FHIT: variants seen among roughly 807,000 people sequenced by gnomAD.
FHIT encodes bis(5'-adenosyl)-triphosphatase.
Under a neutral mutation model 17.9 loss-of-function variants are expected in FHIT, and 19 were observed. The observed-to-expected ratio is 1.06, with a 90% CI of 0.74 to 1.56. The LOEUF (loss-of-function observed/expected upper bound fraction) is 1.56. Ranked by LOEUF, FHIT falls within the 40% of genes most tolerant of loss-of-function variation. The pLI is 0.00. For synonymous variants in FHIT, 81 were observed against 69.7 expected, an observed-to-expected ratio of 1.16 and a Z score of -0.81; for missense variants, 248 against 189.2, an observed-to-expected ratio of 1.31 and a Z score of -1.82.
At chr3:59,945,495 T>C (rs1311105569) in intron 7 of FHIT, among the ~76,000 whole-genome samples, 1 of 152,168 alleles carries the variant, frequency 6.6e-6, no homozygotes, top group African/African-American at 2.4e-5. Flanking sequence ...TGATAGTTTC[T>C]TTTGCTATGC....
intron 5 of FHIT, among the ~76,000 whole-genome samples, chr3:60,252,322 T>C (rs1035165515): frequency 1.3e-5 from 2 of 151,964 alleles, no homozygotes; most frequent in Non-Finnish European, 2.9e-5. Flanking sequence ...AGCGGGAAAA[T>C]TGCTTGAGCC....
chr3:59,988,725 G>A (rs1365785418), intron 7 of FHIT, among the ~76,000 whole-genome samples: 1 of 152,078 alleles, frequency 6.6e-6, no homozygotes, highest in East Asian at 1.9e-4. Flanking sequence ...AACACCCGAA[G>A]GATCAAGGAC....
intron 8 of FHIT, among the ~76,000 whole-genome samples, chr3:59,808,414 C>T (rs147288599): frequency 6.6e-6 from 1 of 152,140 alleles, no homozygotes; most frequent in Non-Finnish European, 1.5e-5. Flanking sequence ...CCCTCTCTGA[C>T]AAGCCCCTGG....
chr3:60,332,379 CT>C (rs1310842772), intron 5 of FHIT, among the ~76,000 whole-genome samples: 1 of 152,186 alleles, frequency 6.6e-6, no homozygotes, highest in Non-Finnish European at 1.5e-5. Context: ...AGAGTATCTG[CT>C]CAGACACTAG....
At chr3:60,285,874 T>G (rs1202335403) in intron 5 of FHIT, among the ~76,000 whole-genome samples, 1 of 152,218 alleles carries the variant, frequency 6.6e-6, no homozygotes, top group Non-Finnish European at 1.5e-5. Flanking sequence ...CTTAAATATT[T>G]GTCTTTTCTT....
intron 2 of FHIT, among the ~76,000 whole-genome samples, chr3:61,156,935 T>C (rs1435335877): frequency 6.6e-6 from 1 of 152,228 alleles, no homozygotes; most frequent in Non-Finnish European, 1.5e-5. Flanking sequence ...AGATGATTCT[T>C]ACATGCCTAC....
chr3:60,123,995 T>TATA (rs1705393544), intron 5 of FHIT, among the ~76,000 whole-genome samples: 1 of 36,628 alleles, frequency 2.7e-5, no homozygotes. Flanking sequence ...TATATATATA[T>TATA]ATATATATAT....
chr3:60,591,479 G>C (rs2038082326), intron 4 of FHIT, among the ~76,000 whole-genome samples: 1 of 151,958 alleles, frequency 6.6e-6, no homozygotes, highest in African/African-American at 2.4e-5. Context: ...AGTCCCCAAA[G>C]AATATCAACA....
At chr3:60,148,625 G>T (rs2107322439) in intron 5 of FHIT, among the ~76,000 whole-genome samples, 1 of 152,220 alleles carries the variant, frequency 6.6e-6, no homozygotes, top group Admixed American at 6.5e-5. Flanking sequence ...CATCTGAATT[G>T]ATATAGGTTA....
chr3:61,086,196 T>C (rs2035302043), intron 2 of FHIT, among the ~76,000 whole-genome samples: 1 of 152,160 alleles, frequency 6.6e-6, no homozygotes, highest in Non-Finnish European at 1.5e-5. Flanking sequence ...GGCAAGGCTC[T>C]CAATGTTTCA....
intron 5 of FHIT, among the ~76,000 whole-genome samples, chr3:60,222,825 C>T (rs1042794575): frequency 1.3e-5 from 2 of 152,188 alleles, no homozygotes; most frequent in East Asian, 1.9e-4. Flanking sequence ...TGCTTGAACT[C>T]GGGAGGCAGA....
At chr3:60,927,702 G>A (rs183845256) in intron 3 of FHIT, among the ~76,000 whole-genome samples, 20 of 150,690 alleles carry the variant, frequency 1.3e-4, no homozygotes, top group East Asian at 4.0e-4. Flanking sequence ...GAGCACCCCC[G>A]CCCGGCAGCC....
chr3:59,966,968 CTG>C (rs1232219764), intron 7 of FHIT, among the ~76,000 whole-genome samples: 1 of 152,180 alleles, frequency 6.6e-6, no homozygotes, highest in African/African-American at 2.4e-5. Context: ...CACAAATACA[CTG>C]TACAGGTATA....
intron 3 of FHIT, among the ~76,000 whole-genome samples, chr3:60,840,188 CA>C (rs1414420811): frequency 6.6e-6 from 1 of 152,154 alleles, no homozygotes; most frequent in Non-Finnish European, 1.5e-5. Flanking sequence ...ATACAATAGA[CA>C]GCGAGGAAGG....
intron 3 of FHIT, among the ~76,000 whole-genome samples, chr3:60,824,363 C>T (rs1037336309): frequency 2.0e-5 from 3 of 152,086 alleles, no homozygotes; most frequent in African/African-American, 4.8e-5. Flanking sequence ...AATTAGAAAC[C>T]GTAACAACTT....
chr3:60,061,671 G>C (rs1702300020), intron 5 of FHIT, among the ~76,000 whole-genome samples: 1 of 152,142 alleles, frequency 6.6e-6, no homozygotes, highest in South Asian at 2.1e-4. Flanking sequence ...TTAAAATATT[G>C]CAAGTCAAGT....
chr3:61,202,421 C>G (rs72879870), intron 1 of FHIT, among the ~76,000 whole-genome samples: 1 of 152,066 alleles, frequency 6.6e-6, no homozygotes, highest in South Asian at 2.1e-4. Flanking sequence ...GCTGTGCAAC[C>G]TTCCAAGTGT....
chr3:61,210,814 T>C (rs568924085), intron 1 of FHIT, among the ~76,000 whole-genome samples: 1 of 151,942 alleles, frequency 6.6e-6, no homozygotes, highest in East Asian at 2.0e-4. Context: ...CCCACTGTCC[T>C]GCACCCACTG....
chr3:59,790,502 CTCTT>C (rs1471551577), intron 8 of FHIT, among the ~76,000 whole-genome samples: 1 of 142,304 alleles, frequency 7.0e-6, no homozygotes, highest in Non-Finnish European at 1.5e-5. Context: ...CTCTCTCTCT[CTCTT>C]TCTCTCTCTC....
Sources: gnomAD v4.1 joint callset for allele counts (sites outside exome capture counted in the v4.1 genomes callset) on GRCh38, gnomAD v4.1.1 for gene constraint, MANE v1.5 for transcripts, NCBI Gene and HGNC (gene_info 2026-07-23, HGNC 2026-07-21) for gene names.